Variants in ANKS1A observed in about 807,000 individuals in gnomAD.
The protein encoded by ANKS1A is ankyrin repeat and sterile alpha motif domain containing 1A.
In ANKS1A, 55 loss-of-function variants were observed where a neutral mutation model predicts 120.3. The observed-to-expected ratio is 0.46, with a 90% CI of 0.37 to 0.57. The LOEUF (loss-of-function observed/expected upper bound fraction) is 0.57, where lower values mean the gene tolerates loss of function less well. Ranked by LOEUF, ANKS1A falls within the 20% of genes least tolerant of loss-of-function variation. The pLI is 0.00. For synonymous variants in ANKS1A, 590 were observed against 604.7 expected, an observed-to-expected ratio of 0.98 and a Z score of 0.36; for missense variants, 1,123 against 1,480.3, an observed-to-expected ratio of 0.76 and a Z score of 3.96.
Position 35,009,331 on chromosome 6 carries a change from A to G in ANKS1A, c.1424-8142A>G, listed in dbSNP as rs530553735. ...AGGACCATGGAACAAAATGTATAGG[A>G]ATGAGGAGAGGAATTTGAGGATGAT... On this transcript the variant is annotated intron_variant, in intron 10 of 23. Coordinates refer to ENST00000360359, the MANE Select transcript of ANKS1A (RefSeq NM_015245.3). Among the ~76,000 whole-genome samples the G allele has an allele frequency of 9.2e-5, 14 of 152,198 alleles. No homozygotes were observed. The South Asian group carries it at 1.5e-3, about 16-fold the overall frequency.
intron 13 of ANKS1A, among the ~76,000 whole-genome samples, chr6:35,076,240 G>A (rs939413906): frequency 1.3e-5 from 2 of 152,228 alleles, no homozygotes; most frequent in Admixed American, 6.5e-5. Flanking sequence ...TGGCTAACAC[G>A]ATGAAACCCA....
rs1211951860 is a variant in ANKS1A at position 34,985,370 on chromosome 6, GGTGCCAGCTCAT to G, written c.1209+95_1209+106del. 7.6e-6 allele frequency: 10 copies of G among 1,310,240 alleles called. No individual in the cohort carries two copies. The African/African-American group carries it at 1.5e-4, about 19-fold the overall frequency. The allele number at this position is 1,310,240 out of a possible 1,614,324, so 81.2% of individuals were successfully genotyped here. A position where few individuals can be genotyped will look rare whatever the true frequency, so the allele number is the denominator to read the frequency against. Reference sequence around the variant, plus strand: ...CACGGGGAAGGGAAGTGTGATCCCTGGTGCCAGCTCATGTTTCCGGGGCCTGGAGCCCACTTA... The same window carrying G: ...CACGGGGAAGGGAAGTGTGATCCCTGGTTTCCGGGGCCTGGAGCCCACTTA... On this transcript the variant is annotated intron_variant, in intron 8 of 23. Coordinates refer to ENST00000360359, the MANE Select transcript of ANKS1A (RefSeq NM_015245.3).
chr6:34,980,281 C>T (rs898428706), intron 3 of ANKS1A, among the ~76,000 whole-genome samples: 1 of 152,228 alleles, frequency 6.6e-6, no homozygotes, highest in East Asian at 1.9e-4. Flanking sequence ...CCTCTGCATC[C>T]TCTGTTTATT....
intron 11 of ANKS1A, among the ~76,000 whole-genome samples, chr6:35,045,057 A>G (rs1412979908): frequency 6.6e-6 from 1 of 152,222 alleles, no homozygotes; most frequent in African/African-American, 2.4e-5. Context: ...AGAGGTAGAC[A>G]GGCATTGCCT....
chr6:34,890,109 C>T (rs1216158660), intron 1 of ANKS1A, among the ~76,000 whole-genome samples: 1 of 150,884 alleles, frequency 6.6e-6, no homozygotes, highest in Non-Finnish European at 1.5e-5. Context: ...TTTTTTCCCT[C>T]GAGACGGAGA....
intron 1 of ANKS1A, among the ~76,000 whole-genome samples, chr6:34,922,315 A>T (rs971908527): frequency 2.0e-5 from 3 of 152,178 alleles, no homozygotes; most frequent in Non-Finnish European, 4.4e-5. Flanking sequence ...AATATGTCTG[A>T]GGTCATAGAG....
At chr6:34,999,963 A>G (rs1178433324) in intron 10 of ANKS1A, among the ~76,000 whole-genome samples, 1 of 152,184 alleles carries the variant, frequency 6.6e-6, no homozygotes, top group Non-Finnish European at 1.5e-5. Flanking sequence ...AGAGAGAGAG[A>G]CAGAAAGTCA....
At chr6:34,997,201 T>TTTC (rs958622098) in intron 10 of ANKS1A, among the ~76,000 whole-genome samples, 2 of 150,056 alleles carry the variant, frequency 1.3e-5, no homozygotes, top group African/African-American at 4.9e-5. Context: ...TAGAATTTTT[T>TTTC]TTTTTTTTTT....
chr6:34,982,115 G>A lies in ANKS1A; in HGVS notation c.732+129G>A, dbSNP rs1771935765. 8.6e-7 allele frequency: 1 copy of A among 1,158,438 alleles called. No individual in the cohort carries two copies. The highest frequency in any genetic ancestry group is 1.2e-6 in the Non-Finnish European group (1 of 835,390). 71.8% of individuals were successfully genotyped at this position (1,158,438 alleles called of 1,614,324 possible). ...CACATCATGTTTCAAATGCTTATTT[G>A]CCGACTCATTCTAATGTGACACTAA... On this transcript the variant is annotated intron_variant, in intron 4 of 23. Transcript: ENST00000360359. The surrounding 1 kb of genome is among the most constrained non-coding windows in gnomAD (Gnocchi z 4.9).
In ANKS1A at chr6:35,025,167, C is replaced by T. The variant is rs141929775; in HGVS notation, c.2010+7108C>T. 6.0e-3 allele frequency among the ~76,000 whole-genome samples: 917 copies of T among 152,016 alleles called. 9 individuals carry two copies. Among genetic ancestry groups the T allele is most frequent in the African/African-American group, 0.021 (874 of 41,462 alleles). On this transcript the variant is annotated intron_variant, in intron 11 of 23. Coordinates refer to ENST00000360359, the MANE Select transcript of ANKS1A (RefSeq NM_015245.3). ...TTTGTTCATATTTTTAAAATAATCTCATTTATTTTATAGGCAGCCCTAAAT... is the reference window on the plus strand; with the variant it reads ...TTTGTTCATATTTTTAAAATAATCTTATTTATTTTATAGGCAGCCCTAAAT...
chr6:34,928,379 C>T (rs1025174414), intron 1 of ANKS1A, among the ~76,000 whole-genome samples: 1 of 152,144 alleles, frequency 6.6e-6, no homozygotes, highest in Non-Finnish European at 1.5e-5. Context: ...CACTCTGTCA[C>T]GGAAGGCTGT....
chr6:35,088,341 C>G (rs1490237506), intron 23 of ANKS1A, among the ~76,000 whole-genome samples: 3 of 152,190 alleles, frequency 2.0e-5, no homozygotes, highest in African/African-American at 7.2e-5. Flanking sequence ...CTAGGAAAGC[C>G]AGTCGGCCAG....
At chr6:35,065,210 C>G (rs1009607398) in intron 13 of ANKS1A, among the ~76,000 whole-genome samples, 1 of 142,516 alleles carries the variant, frequency 7.0e-6, no homozygotes, top group Non-Finnish European at 1.6e-5. Flanking sequence ...ACCTCTTGCC[C>G]CCCCTCCCTT....
At chr6:35,070,977 CTCTG>C (rs1165074557) in intron 13 of ANKS1A, 11 of 580,066 alleles carry the variant, frequency 1.9e-5, no homozygotes, top group East Asian at 8.6e-5. Flanking sequence ...GGTTTCCCCT[CTCTG>C]TCTATTTTAC....
chr6:34,978,670 T>A (rs1349165409), intron 3 of ANKS1A, among the ~76,000 whole-genome samples: 1 of 151,720 alleles, frequency 6.6e-6, no homozygotes, highest in Non-Finnish European at 1.5e-5. Flanking sequence ...CTAGGCGTGG[T>A]GGCACATATC....
At chr6:35,004,250 C>G (rs921522688) in intron 10 of ANKS1A, among the ~76,000 whole-genome samples, 3 of 152,122 alleles carry the variant, frequency 2.0e-5, no homozygotes, top group African/African-American at 7.2e-5. Context: ...CTGATTAAAG[C>G]CACTCCCTTC....
chr6:35,054,181 G>A lies in ANKS1A; in HGVS notation c.2077+16G>A. The A allele has an allele frequency of 6.2e-7, 1 of 1,612,748 alleles. No individual in the cohort carries two copies. Among genetic ancestry groups the A allele is most frequent in the Non-Finnish European group, 8.5e-7 (1 of 1,178,956 alleles). ...AAGATCTCAGGTACCGTACTAAGTG[G>A]CCATTTTCCCCACAGAAACTGGCAG... is the stretch of plus-strand genomic sequence containing the variant. On this transcript the variant is annotated intron_variant, in intron 12 of 23. Coordinates refer to ENST00000360359, the MANE Select transcript of ANKS1A (RefSeq NM_015245.3).
At position 35,088,693 on chromosome 6, in the gene ANKS1A, G is replaced by C; in HGVS notation, c.*84G>C. 2 of 1,612,974 alleles carry C rather than the reference G, an allele frequency of 1.2e-6. No individual in the cohort carries two copies. The highest frequency in any genetic ancestry group is 2.2e-5 in the South Asian group (2 of 91,034). ...TGCCACCACCGCCATCGCCTCACCT[G>C]CAGCTCTGAAGACCCAGGCCTCACC... On this transcript the variant is annotated 3_prime_UTR_variant, in exon 24 of 24. Coordinates refer to ENST00000360359, the MANE Select transcript of ANKS1A (RefSeq NM_015245.3).
chr6:35,088,467 T>C (rs978584051), intron 23 of ANKS1A, 139 bp from the exon 24 acceptor site: 7 of 1,106,456 alleles, frequency 6.3e-6, no homozygotes, highest in Admixed American at 5.2e-5. Context: ...CTGTGGGTGC[T>C]CAAAGCAGGC....
Sources: allele counts gnomAD v4.1 joint callset (sites outside exome capture counted in the v4.1 genomes callset), GRCh38; gene constraint gnomAD v4.1.1; non-coding constraint Gnocchi (gnomAD v3.1); transcripts MANE v1.5; gene names NCBI Gene and HGNC (gene_info 2026-07-23, HGNC 2026-07-21).